PDE3A: variants seen among roughly 807,000 people sequenced by gnomAD.
PDE3A encodes cGMP-inhibited 3',5'-cyclic phosphodiesterase 3A.
A neutral mutation model predicts 98.3 loss-of-function variants in PDE3A; 43 were observed. The observed-to-expected ratio is 0.44, with a 90% CI of 0.34 to 0.56. PDE3A has a LOEUF of 0.56. Ranked by LOEUF, PDE3A falls within the 20% of genes least tolerant of loss-of-function variation. The pLI is 0.01. For missense variants in PDE3A, 1,427 were observed against 1,440.7 expected (o/e 0.99, Z 0.15); for synonymous variants, 663 against 567.9 (o/e 1.17, Z -2.38).
chr12:20,450,289 T>C (rs1945041290), intron 1 of PDE3A, among the ~76,000 whole-genome samples: 1 of 152,234 alleles, frequency 6.6e-6, no homozygotes, highest in Non-Finnish European at 1.5e-5. Flanking sequence ...CAGCAGTGAA[T>C]GAGACCTAGT....
chr12:20,417,545 T>A (rs1312326450), intron 1 of PDE3A, among the ~76,000 whole-genome samples: 1 of 152,178 alleles, frequency 6.6e-6, no homozygotes, highest in Non-Finnish European at 1.5e-5. Context: ...CTGGCAAAGG[T>A]TGTTTAAAAC....
At chr12:20,559,060 G>T (rs192544427) in intron 2 of PDE3A, among the ~76,000 whole-genome samples, 1 of 152,102 alleles carries the variant, frequency 6.6e-6, no homozygotes, top group African/African-American at 2.4e-5. Context: ...TCTGATAGAC[G>T]CAACATTACA....
intron 1 of PDE3A, among the ~76,000 whole-genome samples, chr12:20,465,740 G>C (rs888205869): frequency 2.6e-5 from 4 of 152,132 alleles, no homozygotes; most frequent in Admixed American, 6.5e-5. Flanking sequence ...TAAAATGGTA[G>C]CATGTCCTAA....
chr12:20,411,078 A>AT (rs1336114327), intron 1 of PDE3A, among the ~76,000 whole-genome samples: 3 of 152,082 alleles, frequency 2.0e-5, no homozygotes, highest in South Asian at 2.1e-4. Context: ...GTAATTTGGG[A>AT]TTTTTTTCTT....
chr12:20,488,585 C>A lies in PDE3A; in HGVS notation c.961-68075C>A, dbSNP rs139694594. 2.5e-3 allele frequency among the ~76,000 whole-genome samples: 376 copies of A among 152,208 alleles called. 2 individuals carry two copies. Among genetic ancestry groups the A allele is most frequent in the African/African-American group, 8.6e-3 (359 of 41,522 alleles). The stretch of plus-strand genomic sequence containing the variant: ...GGCTTACACCAGTATGTAATCCCAG[C>A]ACTATGGGAGGCCGAGGGGGAAGAA... On this transcript the variant is annotated intron_variant, in intron 1 of 15. Coordinates refer to ENST00000359062, the MANE Select transcript of PDE3A (RefSeq NM_000921.5).
At chr12:20,637,904 A>G (rs1024403349) in intron 9 of PDE3A, among the ~76,000 whole-genome samples, 1 of 152,194 alleles carries the variant, frequency 6.6e-6, no homozygotes, top group Non-Finnish European at 1.5e-5. Context: ...GATTTGCTGT[A>G]CTATGGAATA....
chr12:20,436,729 T>A (rs767213664), intron 1 of PDE3A, among the ~76,000 whole-genome samples: 12 of 152,170 alleles, frequency 7.9e-5, no homozygotes, highest in Admixed American at 6.5e-5. Context: ...AAATATAGTC[T>A]TTTTCTCTCG....
intron 1 of PDE3A, among the ~76,000 whole-genome samples, chr12:20,500,752 C>T (rs1243667661): frequency 6.8e-6 from 1 of 147,250 alleles, no homozygotes; most frequent in African/African-American, 2.5e-5. Context: ...GTGTAAGAGG[C>T]TTTCATTCTT....
intron 2 of PDE3A, among the ~76,000 whole-genome samples, chr12:20,573,110 T>C (rs767235074): frequency 1.3e-5 from 2 of 152,036 alleles, no homozygotes; most frequent in African/African-American, 2.4e-5. Context: ...TAAGTAATTT[T>C]TCATTGCTTC....
intron 1 of PDE3A, among the ~76,000 whole-genome samples, chr12:20,393,222 A>G (rs991366738): frequency 1.8e-4 from 28 of 152,058 alleles, no homozygotes; most frequent in African/African-American, 6.8e-4. Context: ...TTGGACTTAC[A>G]GTTCCACATG....
At chr12:20,423,196 G>C (rs894902227) in intron 1 of PDE3A, among the ~76,000 whole-genome samples, 2 of 152,140 alleles carry the variant, frequency 1.3e-5, no homozygotes, top group African/African-American at 4.8e-5. Flanking sequence ...AATATATGCA[G>C]ATGTAAAATT....
intron 1 of PDE3A, among the ~76,000 whole-genome samples, chr12:20,520,737 C>G (rs138527966): frequency 1.3e-5 from 2 of 152,320 alleles, no homozygotes; most frequent in East Asian, 3.9e-4. Context: ...GAAGCACCCA[C>G]CATCAGCTGT....
At chr12:20,600,690 C>T (rs1018334391) in intron 2 of PDE3A, among the ~76,000 whole-genome samples, 2 of 152,146 alleles carry the variant, frequency 1.3e-5, no homozygotes, top group African/African-American at 2.4e-5. Flanking sequence ...TATTACTTCT[C>T]CTTGGCATTT....
intron 1 of PDE3A, among the ~76,000 whole-genome samples, chr12:20,499,280 T>G (rs1264046650): frequency 6.6e-6 from 1 of 152,162 alleles, no homozygotes; most frequent in African/African-American, 2.4e-5. Flanking sequence ...TTGGCTACTG[T>G]GGACTTGTTT....
At chr12:20,572,736 A>G (rs1431895420) in intron 2 of PDE3A, among the ~76,000 whole-genome samples, 1 of 152,130 alleles carries the variant, frequency 6.6e-6, no homozygotes, top group Non-Finnish European at 1.5e-5. Context: ...CGTTGAGCAG[A>G]CAAGTCATTT....
intron 1 of PDE3A, among the ~76,000 whole-genome samples, chr12:20,554,007 TAATG>T (rs1218883981): frequency 5.3e-5 from 8 of 152,052 alleles, no homozygotes; most frequent in East Asian, 1.9e-4. Context: ...TTTTTTCTCT[TAATG>T]AACACATTTT....
At chr12:20,561,255 T>TAA (rs113904087) in intron 2 of PDE3A, among the ~76,000 whole-genome samples, 4 of 145,930 alleles carry the variant, frequency 2.7e-5, no homozygotes, top group South Asian at 2.2e-4. Flanking sequence ...GAGGCTCTGC[T>TAA]AAAAAAAAAA....
chr12:20,411,120 A>G lies in PDE3A; in HGVS notation c.960+40876A>G, dbSNP rs531226516. Reference sequence around the variant, plus strand: ...AATTTTGGCATTTATTTTTAAATTAATATTTTAAATCATGGTATAATACAC... The same window carrying G: ...AATTTTGGCATTTATTTTTAAATTAGTATTTTAAATCATGGTATAATACAC... On this transcript the variant is annotated intron_variant, in intron 1 of 15. Transcript: ENST00000359062. Among the ~76,000 whole-genome samples the G allele has an allele frequency of 5.2e-3, 788 of 152,338 alleles. 4 individuals carry two copies. The highest frequency in any genetic ancestry group is 0.018 in the African/African-American group (763 of 41,574).
intron 1 of PDE3A, among the ~76,000 whole-genome samples, chr12:20,454,166 G>A (rs1464007659): frequency 6.6e-6 from 1 of 152,084 alleles, no homozygotes; most frequent in African/African-American, 2.4e-5. Context: ...ATCAGCTCCT[G>A]GCTCTTGCTT....
Sources: allele counts gnomAD v4.1 joint callset (sites outside exome capture counted in the v4.1 genomes callset), GRCh38; gene constraint gnomAD v4.1.1; transcripts MANE v1.5; gene names NCBI Gene and HGNC (gene_info 2026-07-23, HGNC 2026-07-21).